HEATR6: variants seen among roughly 807,000 people sequenced by gnomAD.
HEATR6 encodes the protein HEAT repeat containing 6, also known as HEAT repeat-containing protein 6.
In HEATR6, 106 loss-of-function variants were observed where a neutral mutation model predicts 132.8. The ratio of observed to expected loss-of-function variants is 0.80; its 90% CI spans 0.68 to 0.94. HEATR6 has a LOEUF of 0.94. Ranked by LOEUF, HEATR6 falls within the 40% of genes least tolerant of loss-of-function variation. HEATR6 has a pLI of 0.00. For missense variants in HEATR6, 1,339 were observed against 1,425.1 expected, an observed-to-expected ratio of 0.94 and a Z score of 0.97; for synonymous variants, 529 against 537.8, an observed-to-expected ratio of 0.98 and a Z score of 0.23.
Position 60,057,234 on chromosome 17 carries a change from A to C in HEATR6, c.1893T>G (p.Pro631=), listed in dbSNP as rs1906774274. ...LSPPDWWKKA[P]AGPSLEETSV... is the part of the protein sequence containing the mutation. ...ACGTTTCTTCCAGAGAGGGTCCTGCAGGGGCTTTCTTCCACCAATCAGGAG... is the reference window on the plus strand; with the variant it reads ...ACGTTTCTTCCAGAGAGGGTCCTGCCGGGGCTTTCTTCCACCAATCAGGAG... Residue 631 remains proline, a synonymous_variant, in exon 12 of 20, where the codon CCT becomes CCG. Coordinates refer to ENST00000184956, the MANE Select transcript of HEATR6 (RefSeq NM_022070.5). 6.2e-7 allele frequency: 1 copy of C among 1,614,048 alleles called. No individual in the cohort carries two copies. Among genetic ancestry groups the C allele is most frequent in the African/African-American group, 1.3e-5 (1 of 74,932 alleles).
At chr17:60,045,208 CA>C (rs1906322474) in intron 19 of HEATR6, among the ~76,000 whole-genome samples, 1 of 152,162 alleles carries the variant, frequency 6.6e-6, no homozygotes. Flanking sequence ...GTGACTTCCT[CA>C]ATGGAAGAAG....
chr17:60,060,705 G>A (rs2083205978), intron 9 of HEATR6, among the ~76,000 whole-genome samples: 1 of 152,156 alleles, frequency 6.6e-6, no homozygotes, highest in African/African-American at 2.4e-5. Flanking sequence ...TGTGTTCAAT[G>A]TTAACTTAAA....
chr17:60,043,738 CTGTGGGG>C lies in HEATR6; in HGVS notation c.3364_3370del (p.Pro1122AlafsTer35). ...GACCATCTGGTCTCTTTCCTGTGGG[CTGTGGGG>C]TGCTCCAGTGTCATCTCCCTCTGCT... On this transcript the variant is annotated frameshift_variant, in exon 20 of 20. Transcript: ENST00000184956. LOFTEE classifies it high-confidence loss of function. 1 of 1,614,162 alleles carries C rather than the reference CTGTGGGG, an allele frequency of 6.2e-7. No individual in the cohort carries two copies. The highest frequency in any genetic ancestry group is 8.5e-7 in the Non-Finnish European group (1 of 1,180,034).
intron 6 of HEATR6, among the ~76,000 whole-genome samples, chr17:60,070,148 T>C (rs2083263400): frequency 6.6e-6 from 1 of 152,242 alleles, no homozygotes; most frequent in African/African-American, 2.4e-5. Context: ...ACTTTATCTG[T>C]CTATAATTTT....
chr17:60,063,556 G>A (rs1187110195), intron 9 of HEATR6: 1 of 152,136 alleles, frequency 6.6e-6, no homozygotes, highest in Non-Finnish European at 1.5e-5. Flanking sequence ...AAATCCGAAT[G>A]GACATTTCTA....
chr17:60,047,258 C>T (rs1348785751), intron 18 of HEATR6, 51 bp downstream of exon 18: 1 of 1,206,448 alleles, frequency 8.3e-7, no homozygotes, highest in South Asian at 1.3e-5. Context: ...ACTGCAGCTA[C>T]AATACATTAA....
intron 14 of HEATR6, among the ~76,000 whole-genome samples, chr17:60,051,655 G>C (rs1041666055): frequency 6.6e-6 from 1 of 152,192 alleles, no homozygotes; most frequent in African/African-American, 2.4e-5. Context: ...CATGTCAACA[G>C]TTTCTTTTCC....
intron 1 of HEATR6, among the ~76,000 whole-genome samples, chr17:60,077,936 G>A (rs527544301): frequency 6.6e-6 from 1 of 152,340 alleles, no homozygotes; most frequent in South Asian, 2.1e-4. Context: ...AAGGAGGGAA[G>A]AACCAGTGTT....
intron 16 of HEATR6, 40 bp downstream of exon 16, chr17:60,049,540 A>G: frequency 3.7e-6 from 6 of 1,611,166 alleles, no homozygotes; most frequent in Non-Finnish European, 5.1e-6. Context: ...GTCATGGACT[A>G]CAAAAGGGGC....
chr17:60,045,935 A>G, intron 19 of HEATR6, 90 bp downstream of exon 19: 1 of 1,010,022 alleles, frequency 9.9e-7, no homozygotes, highest in Non-Finnish European at 1.5e-6. Context: ...ACTATGACAA[A>G]TAACATGTGA....
At position 60,048,982 on chromosome 17, in the gene HEATR6, TAA is replaced by T. The variant is rs1491411601; in HGVS notation, c.2547+596_2548-595del. On this transcript the variant is annotated intron_variant, in intron 16 of 19. Coordinates refer to ENST00000184956, the MANE Select transcript of HEATR6 (RefSeq NM_022070.5). ...ATTAAAAATAAATAACATATATATATAATATATATATATATATATATATATAT... is the reference window on the plus strand; with the variant it reads ...ATTAAAAATAAATAACATATATATATTATATATATATATATATATATATAT... Among the ~76,000 whole-genome samples, 32 of 53,324 alleles carry T rather than the reference TAA, an allele frequency of 6.0e-4. 1 individual carries two copies. In the East Asian group the frequency reaches 6.2e-3, roughly 10 times the overall value. The allele number at this position is 53,324 out of a possible 152,430, so 35.0% of individuals were successfully genotyped here. A position where few individuals can be genotyped will look rare whatever the true frequency, so the allele number is the denominator to read the frequency against.
intron 9 of HEATR6, among the ~76,000 whole-genome samples, chr17:60,060,467 C>T (rs1000133281): frequency 6.6e-6 from 1 of 152,022 alleles, no homozygotes; most frequent in African/African-American, 2.4e-5. Context: ...AAACCCATTG[C>T]TGTTAGGTGT....
rs759427786 is a variant in HEATR6, at chr17:60,057,110, C to T, written c.2017G>A (p.Asp673Asn). The T allele has an allele frequency of 8.1e-6, 13 of 1,613,920 alleles. No individual in the cohort carries two copies. Among genetic ancestry groups the T allele is most frequent in the South Asian group, 3.3e-5 (3 of 91,074 alleles). Residue 673 changes from aspartate (D) to asparagine (N), a missense_variant, in exon 12 of 20, where the codon GAT becomes AAT. Asp to Asn is a conservative substitution (Grantham distance 23, BLOSUM62 1). Coordinates refer to ENST00000184956, the MANE Select transcript of HEATR6 (RefSeq NM_022070.5). Reference protein sequence around the residue: ...LPKEDSCSGSDAGSAAGSTYE... With the variant: ...LPKEDSCSGSNAGSAAGSTYE... ...GTGCTTCCTGCTGCAGAGCCAGCAT[C>T]GCTACCTGAACAGGAATCCTCCTTG...
chr17:60,068,867 G>C (rs2083255800), intron 7 of HEATR6, among the ~76,000 whole-genome samples: 1 of 152,104 alleles, frequency 6.6e-6, no homozygotes, highest in African/African-American at 2.4e-5. Context: ...ATTCTAATGA[G>C]AGAAACAATA....
chr17:60,056,397 A>G (rs1429047319), intron 12 of HEATR6, among the ~76,000 whole-genome samples, 160 bp from the exon 13 acceptor site: 2 of 152,258 alleles, frequency 1.3e-5, no homozygotes, highest in African/African-American at 4.8e-5. Context: ...ACTAACATCA[A>G]TAAACTGTAT....
In HEATR6 at chr17:60,042,291, G is replaced by C. The variant is rs1298134293; in HGVS notation, c.*1272C>G. Reference sequence around the variant, plus strand: ...GGTGTGGCAGGGAAGGTGGTCAGGGGAACACGGGCACTCCAGAAGCTCGGA... The same window carrying C: ...GGTGTGGCAGGGAAGGTGGTCAGGGCAACACGGGCACTCCAGAAGCTCGGA... On this transcript the variant is annotated 3_prime_UTR_variant, in exon 20 of 20. Transcript: ENST00000184956. Among the ~76,000 whole-genome samples the C allele has an allele frequency of 6.6e-6, 1 of 152,244 alleles. No individual in the cohort carries two copies.
At chr17:60,067,219 G>A (rs1051644346) in intron 8 of HEATR6, among the ~76,000 whole-genome samples, 5 of 143,368 alleles carry the variant, frequency 3.5e-5, no homozygotes, top group Non-Finnish European at 7.5e-5. Flanking sequence ...GCAGTGAGCC[G>A]AGATCCCGCC....
At position 60,066,289 on chromosome 17, in the gene HEATR6, AAGCTGACCAGT is replaced by A; in HGVS notation, c.1325_1335del (p.Tyr442PhefsTer4). On this transcript the variant is annotated frameshift_variant, in exon 9 of 20. Coordinates refer to ENST00000184956, the MANE Select transcript of HEATR6 (RefSeq NM_022070.5). LOFTEE classifies it high-confidence loss of function. ...CCAAGTTCAGGCGTATCAGGAATAA[AAGCTGACCAGT>A]AGCCATAAAGAACTTTTTTTTCTAT... The A allele has an allele frequency of 6.2e-7, 1 of 1,614,128 alleles. No individual in the cohort carries two copies. The highest frequency in any genetic ancestry group is 8.5e-7 in the Non-Finnish European group (1 of 1,179,960).
In HEATR6 at chr17:60,041,472, A is replaced by C. The variant is rs920454020; in HGVS notation, c.*2091T>G. Among the ~76,000 whole-genome samples, 9 of 152,186 alleles carry C rather than the reference A, an allele frequency of 5.9e-5. No individual in the cohort carries two copies. Among genetic ancestry groups the C allele is most frequent in the Non-Finnish European group, 1.3e-4 (9 of 68,030 alleles). ...TTTTTCCTTTTTTGAAAATGCCAAG[A>C]AGCTACTACTAAGAATGTATTCAAG... On this transcript the variant is annotated 3_prime_UTR_variant, in exon 20 of 20. Coordinates refer to ENST00000184956, the MANE Select transcript of HEATR6 (RefSeq NM_022070.5).
Sources: gnomAD v4.1 joint callset for allele counts (sites outside exome capture counted in the v4.1 genomes callset) on GRCh38, gnomAD v4.1.1 for gene constraint, MANE v1.5 for transcripts, NCBI Gene and HGNC (gene_info 2026-07-23, HGNC 2026-07-21) for gene names.